The following USP39 variants were observed in gnomAD, a reference collection of about 807,000 sequenced individuals.
USP39 encodes the protein ubiquitin carboxyl-terminal hydrolase 39.
USP39 carries 38 observed loss-of-function variants against 66.4 expected under a neutral mutation model. That is an observed-to-expected ratio of 0.57 (90% confidence interval 0.44 to 0.75). The LOEUF (loss-of-function observed/expected upper bound fraction) is 0.75. USP39 is among the 30% of genes least tolerant of loss of function. The probability of loss-of-function intolerance (pLI) is 0.00; values close to 1 mark genes in which losing one functional copy is unlikely to be tolerated. For synonymous variants in USP39, 303 were observed against 274.6 expected, an observed-to-expected ratio of 1.10 and a Z score of -1.02; for missense variants, 608 against 714.4, an observed-to-expected ratio of 0.85 and a Z score of 1.70.
chr2:85,644,940 A>G lies in USP39; in HGVS notation c.1428-8A>G. 1.2e-6 allele frequency: 2 copies of G among 1,614,024 alleles called. No homozygotes were observed. Among genetic ancestry groups the G allele is most frequent in the Non-Finnish European group, 1.7e-6 (2 of 1,179,956 alleles). On this transcript the variant is annotated splice_polypyrimidine_tract_variant and splice_region_variant and intron_variant, in intron 10 of 12. Coordinates refer to ENST00000323701, the MANE Select transcript of USP39 (RefSeq NM_006590.4). ...TGATTATTCCGGCTTTATTTTAACC[A>G]TTAACAGAAATGTGGATCTGAGAGA... is the stretch of plus-strand genomic sequence containing the variant.
intron 3 of USP39, among the ~76,000 whole-genome samples, chr2:85,622,840 CAA>C (rs1361762850): frequency 6.6e-6 from 1 of 151,954 alleles, no homozygotes; most frequent in African/African-American, 2.4e-5. Context: ...GTCAAGAGTT[CAA>C]GACCCACCTG....
At chr2:85,616,593 G>A (rs1162931409) in intron 1 of USP39, 130 bp downstream of exon 1, 2 of 1,378,116 alleles carry the variant, frequency 1.5e-6, no homozygotes, top group Non-Finnish European at 1.9e-6. Flanking sequence ...GAGAAGAGGA[G>A]GGATCCAGAC....
intron 5 of USP39, among the ~76,000 whole-genome samples, chr2:85,629,788 C>T (rs562041084): frequency 1.1e-4 from 17 of 152,172 alleles, no homozygotes; most frequent in South Asian, 6.2e-4. Flanking sequence ...TGAGCCACCT[C>T]GCCTGGCCGA....
At chr2:85,613,636 A>G (rs1011585799), upstream of USP39, among the ~76,000 whole-genome samples, 2 of 152,246 alleles carry the variant, frequency 1.3e-5, no homozygotes, top group Non-Finnish European at 2.9e-5. Context: ...GAAAGAGGCC[A>G]GGGACTCTGT....
chr2:85,606,446 A>T (rs535531385), intron 1 of USP39, among the ~76,000 whole-genome samples: 1 of 152,334 alleles, frequency 6.6e-6, no homozygotes, highest in Admixed American at 6.5e-5. Context: ...GGCAGTAAGC[A>T]ATGAGGATGG....
At chr2:85,632,062 G>GT (rs1266357616) in intron 6 of USP39, among the ~76,000 whole-genome samples, 2 of 152,014 alleles carry the variant, frequency 1.3e-5, no homozygotes, top group African/African-American at 2.4e-5. Flanking sequence ...TATTTTGACT[G>GT]TTTTTTTCTC....
upstream of USP39, chr2:85,609,402 C>T (rs1180418146): frequency 1.2e-6 from 2 of 1,609,464 alleles, no homozygotes; most frequent in East Asian, 4.5e-5. Flanking sequence ...TGGCCCAGGA[C>T]CTTCAGGCTG....
At chr2:85,631,935 G>A (rs1031127241) in intron 6 of USP39, among the ~76,000 whole-genome samples, 2 of 98,204 alleles carry the variant, frequency 2.0e-5, no homozygotes, top group Non-Finnish European at 3.7e-5. Flanking sequence ...TTTTAGTAGA[G>A]AGGGGGTTTC....
intron 5 of USP39, among the ~76,000 whole-genome samples, chr2:85,629,046 C>T (rs1482532882): frequency 6.6e-6 from 1 of 152,090 alleles, no homozygotes; most frequent in Non-Finnish European, 1.5e-5. Flanking sequence ...GTCTTTGGTC[C>T]TCTTCCTCCC....
At chr2:85,604,652 T>C (rs1673153503) in intron 1 of USP39, among the ~76,000 whole-genome samples, 1 of 152,250 alleles carries the variant, frequency 6.6e-6, no homozygotes. Flanking sequence ...CCGCTGGCTA[T>C]GCTTTGTGCC....
chr2:85,630,068 C>G (rs957346411), intron 5 of USP39, among the ~76,000 whole-genome samples: 1 of 152,096 alleles, frequency 6.6e-6, no homozygotes, highest in African/African-American at 2.4e-5. Flanking sequence ...ACCCATCACC[C>G]AAGCAGTGTA....
At chr2:85,611,551 G>A, upstream of USP39, 1 of 1,551,072 alleles carries the variant, frequency 6.4e-7, no homozygotes, top group South Asian at 1.2e-5. Context: ...GGAGGTTCCG[G>A]AAAGAGACGA....
intron 1 of USP39, among the ~76,000 whole-genome samples, chr2:85,606,117 C>T (rs775068081): frequency 2.0e-5 from 3 of 152,122 alleles, no homozygotes; most frequent in South Asian, 2.1e-4. Context: ...ATTCAGCAAG[C>T]GAAGAACATT....
intron 5 of USP39, among the ~76,000 whole-genome samples, chr2:85,628,908 A>G (rs781106167): frequency 1.1e-4 from 16 of 152,238 alleles, no homozygotes; most frequent in Non-Finnish European, 1.6e-4. Flanking sequence ...CTGGGTTATT[A>G]CATTTAGCAG....
chr2:85,629,637 C>G (rs1034200876), intron 5 of USP39, among the ~76,000 whole-genome samples: 1 of 150,508 alleles, frequency 6.6e-6, no homozygotes, highest in African/African-American at 2.4e-5. Flanking sequence ...GCTGGGATTA[C>G]AGGCGCGTGC....
At chr2:85,615,532 C>T (rs148427343), upstream of USP39, among the ~76,000 whole-genome samples, 350 of 152,152 alleles carry the variant, frequency 2.3e-3, 2 homozygotes, top group African/African-American at 8.0e-3. Context: ...TTGGGAATGT[C>T]GCCTAGTTTT....
intron 1 of USP39, among the ~76,000 whole-genome samples, chr2:85,616,916 T>C (rs961317142): frequency 4.0e-5 from 6 of 151,776 alleles, no homozygotes; most frequent in African/African-American, 1.5e-4. Flanking sequence ...GGTCTCGATC[T>C]CCTGACTTCG....
intron 1 of USP39, among the ~76,000 whole-genome samples, chr2:85,617,113 T>A (rs901043418): frequency 6.6e-6 from 1 of 150,738 alleles, no homozygotes; most frequent in Non-Finnish European, 1.5e-5. Flanking sequence ...AAAAAGAATT[T>A]TTTTTTTTTT....
intron 1 of USP39, among the ~76,000 whole-genome samples, chr2:85,606,218 G>A (rs1327856038): frequency 6.6e-6 from 1 of 152,236 alleles, no homozygotes; most frequent in African/African-American, 2.4e-5. Flanking sequence ...CTAGTCAAAT[G>A]AGCGGATTCT....
Sources: gnomAD v4.1 joint callset for allele counts (sites outside exome capture counted in the v4.1 genomes callset) on GRCh38, gnomAD v4.1.1 for gene constraint, MANE v1.5 for transcripts, NCBI Gene and HGNC (gene_info 2026-07-23, HGNC 2026-07-21) for gene names.